RBFOX1: variants seen among roughly 807,000 people sequenced by gnomAD.
RBFOX1 encodes RNA binding fox-1 homolog 1.
Under a neutral mutation model 57.7 loss-of-function variants are expected in RBFOX1, and 8 were observed. That is an observed-to-expected ratio of 0.14 (90% CI 0.08 to 0.25). The LOEUF is 0.25. Ranked by LOEUF, RBFOX1 falls within the 10% of genes least tolerant of loss-of-function variation. The pLI, the probability that RBFOX1 is intolerant of heterozygous loss-of-function variation, is 1.00. For missense variants in RBFOX1, 611 were observed against 548.5 expected, an observed-to-expected ratio of 1.11 and a Z score of -1.14; for synonymous variants, 326 against 222.4, an observed-to-expected ratio of 1.47 and a Z score of -4.15.
At chr16:5,411,121 C>A (rs1464352522) in intron 1 of RBFOX1, among the ~76,000 whole-genome samples, 1 of 152,170 alleles carries the variant, frequency 6.6e-6, no homozygotes, top group Non-Finnish European at 1.5e-5. Context: ...AGATATAATT[C>A]TTGGGCGGAG....
intron 4 of RBFOX1, among the ~76,000 whole-genome samples, chr16:7,412,529 T>C (rs1422646992): frequency 6.6e-6 from 1 of 152,186 alleles, no homozygotes; most frequent in Non-Finnish European, 1.5e-5. Flanking sequence ...AATTTTATTT[T>C]TAAAAAGGGA....
chr16:7,204,803 A>T (rs2089567980), intron 4 of RBFOX1, among the ~76,000 whole-genome samples: 1 of 151,642 alleles, frequency 6.6e-6, no homozygotes, highest in African/African-American at 2.4e-5. Context: ...CTTAATGCAA[A>T]CTGATTGGTA....
chr16:6,241,463 A>T (rs1441020146), intron 1 of RBFOX1, among the ~76,000 whole-genome samples: 2 of 151,950 alleles, frequency 1.3e-5, no homozygotes, highest in Admixed American at 6.6e-5. Flanking sequence ...TAAATAGCTA[A>T]AAAAAAATCA....
chr16:6,898,126 C>T (rs1011408347), intron 3 of RBFOX1, among the ~76,000 whole-genome samples: 6 of 152,168 alleles, frequency 3.9e-5, no homozygotes, highest in Non-Finnish European at 5.9e-5. Flanking sequence ...TATTCAGGAC[C>T]AATCTCTATT....
At chr16:5,758,019 A>G (rs866342729) in intron 3 of RBFOX1, among the ~76,000 whole-genome samples, 9 of 152,146 alleles carry the variant, frequency 5.9e-5, no homozygotes, top group South Asian at 2.1e-4. Flanking sequence ...CCAGAAAAAC[A>G]TCTCTGGAAC....
At chr16:5,249,356 G>T (rs1219681376) in intron 1 of RBFOX1, among the ~76,000 whole-genome samples, 2 of 152,196 alleles carry the variant, frequency 1.3e-5, no homozygotes, top group Non-Finnish European at 2.9e-5. Context: ...TCCTGGAGGG[G>T]CCTGGCCGGG....
intron 4 of RBFOX1, among the ~76,000 whole-genome samples, chr16:7,405,357 G>C (rs1213744377): frequency 6.6e-6 from 1 of 152,204 alleles, no homozygotes; most frequent in African/African-American, 2.4e-5. Context: ...ATTAGCAGAT[G>C]CAGCAGTTCA....
At position 6,452,543 on chromosome 16, in the gene RBFOX1, A is replaced by G. The variant is rs117175122; in HGVS notation, c.-64+135486A>G. Among the ~76,000 whole-genome samples, 715 of 152,302 alleles carry G rather than the reference A, an allele frequency of 4.7e-3. 17 individuals carry two copies. In the East Asian group the frequency reaches 0.092, roughly 20 times the overall value. ...GAAAAAGACCCTCTGAGAAGCATCT[A>G]CCAGGGATGTACCTAGAGATCGTCA... is the stretch of plus-strand genomic sequence containing the variant. On this transcript the variant is annotated intron_variant, in intron 2 of 15. Transcript: ENST00000550418.
chr16:7,691,183 T>C (rs2077234085), intron 14 of RBFOX1, among the ~76,000 whole-genome samples: 1 of 149,438 alleles, frequency 6.7e-6, no homozygotes, highest in African/African-American at 2.4e-5. Flanking sequence ...TAACTCCTTT[T>C]AAATGTCACT....
At chr16:7,203,637 T>C (rs536975176) in intron 4 of RBFOX1, among the ~76,000 whole-genome samples, 10 of 152,364 alleles carry the variant, frequency 6.6e-5, no homozygotes, top group Admixed American at 2.6e-4. Flanking sequence ...GCTTTGTCCA[T>C]GCTTCTCACA....
intron 4 of RBFOX1, among the ~76,000 whole-genome samples, chr16:7,351,482 A>G (rs956914073): frequency 2.0e-5 from 3 of 152,230 alleles, no homozygotes; most frequent in Non-Finnish European, 4.4e-5. Flanking sequence ...AAAACAAAGA[A>G]TAACTACCAT....
At chr16:5,580,882 A>C (rs1449406947) in intron 2 of RBFOX1, among the ~76,000 whole-genome samples, 1 of 152,182 alleles carries the variant, frequency 6.6e-6, no homozygotes, top group African/African-American at 2.4e-5. Flanking sequence ...TGGGAATGAC[A>C]TGCATCCACG....
At chr16:5,733,012 C>A (rs1465392959) in intron 3 of RBFOX1, among the ~76,000 whole-genome samples, 2 of 152,096 alleles carry the variant, frequency 1.3e-5, no homozygotes, top group Admixed American at 6.5e-5. Flanking sequence ...TATGATCTTA[C>A]ACATTTTTGA....
Position 6,850,260 on chromosome 16 carries a change from A to G in RBFOX1, c.-16+195610A>G, listed in dbSNP as rs76886862. 6.9e-3 allele frequency among the ~76,000 whole-genome samples: 1,054 copies of G among 152,320 alleles called. 13 individuals carry two copies. Among genetic ancestry groups the G allele is most frequent in the Non-Finnish European group, 8.6e-3 (584 of 68,042 alleles). ...GTAAAGTGTAGTGTGAAGCTTTAAAAAATAAAAGTAAATAAATAATTGCAT... is the reference window on the plus strand; with the variant it reads ...GTAAAGTGTAGTGTGAAGCTTTAAAGAATAAAAGTAAATAAATAATTGCAT... On this transcript the variant is annotated intron_variant, in intron 3 of 15. Transcript: ENST00000550418.
chr16:5,590,108 T>C (rs1016658129), intron 2 of RBFOX1, among the ~76,000 whole-genome samples: 2 of 152,126 alleles, frequency 1.3e-5, no homozygotes, highest in African/African-American at 4.8e-5. Context: ...TTGGGCTAAA[T>C]TGACCTTGAA....
At chr16:6,470,944 A>G (rs10521038) in intron 2 of RBFOX1, among the ~76,000 whole-genome samples, 13,648 of 152,244 alleles carry the variant, frequency 0.09, 725 homozygotes, top group Middle Eastern at 0.13. Context: ...TTTTAGGCTA[A>G]GATACAATAA....
chr16:6,734,292 T>C (rs1281447486), intron 3 of RBFOX1, among the ~76,000 whole-genome samples: 1 of 152,202 alleles, frequency 6.6e-6, no homozygotes, highest in Non-Finnish European at 1.5e-5. Flanking sequence ...AGGGCTGGTA[T>C]AGAGATATTT....
At chr16:7,679,554 C>T (rs972688598) in intron 14 of RBFOX1, among the ~76,000 whole-genome samples, 1 of 152,184 alleles carries the variant, frequency 6.6e-6, no homozygotes, top group South Asian at 2.1e-4. Context: ...ATTCACTCTT[C>T]AGACATCTTG....
At chr16:7,249,666 A>C (rs1319795356) in intron 4 of RBFOX1, among the ~76,000 whole-genome samples, 3 of 151,368 alleles carry the variant, frequency 2.0e-5, no homozygotes, top group African/African-American at 7.3e-5. Context: ...AATGGGTACC[A>C]GATTTATTTT....
Sources: gnomAD v4.1 joint callset for allele counts (sites outside exome capture counted in the v4.1 genomes callset) on GRCh38, gnomAD v4.1.1 for gene constraint, MANE v1.5 for transcripts, NCBI Gene and HGNC (gene_info 2026-07-23, HGNC 2026-07-21) for gene names.